The following MCUB variants were observed in gnomAD, a reference collection of about 807,000 sequenced individuals.
The protein encoded by MCUB is calcium uniporter regulatory subunit MCUb, mitochondrial.
Under a neutral mutation model 41.4 loss-of-function variants are expected in MCUB, and 46 were observed. The ratio of observed to expected loss-of-function variants is 1.11; its 90% confidence interval spans 0.88 to 1.42. The LOEUF (loss-of-function observed/expected upper bound fraction) is 1.42, where lower values mean the gene tolerates loss of function less well. Ranked by LOEUF, MCUB falls within the 40% of genes most tolerant of loss-of-function variation. MCUB has a pLI of 0.00. For synonymous variants in MCUB, 148 were observed against 148.2 expected, an observed-to-expected ratio of 1.00 and a Z score of 0.01; for missense variants, 403 against 404.9, an observed-to-expected ratio of 1.00 and a Z score of 0.04.
intron 1 of MCUB, among the ~76,000 whole-genome samples, chr4:109,567,988 C>A (rs144958942): frequency 1.3e-5 from 2 of 152,076 alleles, no homozygotes. Context: ...TGTGGGCCAC[C>A]GCTCCTGGCC....
At chr4:109,584,791 A>G (rs980896781) in intron 1 of MCUB, among the ~76,000 whole-genome samples, 2 of 152,056 alleles carry the variant, frequency 1.3e-5, no homozygotes, top group Non-Finnish European at 2.9e-5. Context: ...CCTGAGTTCT[A>G]ATTTGATTGC....
intron 1 of MCUB, among the ~76,000 whole-genome samples, chr4:109,591,335 G>A (rs773915622): frequency 1.9e-4 from 29 of 152,114 alleles, no homozygotes; most frequent in African/African-American, 6.5e-4. Context: ...ACAGGTGTGC[G>A]CTACCACGCC....
At chr4:109,676,104 G>A (rs1445666289) in intron 4 of MCUB, among the ~76,000 whole-genome samples, 1 of 152,200 alleles carries the variant, frequency 6.6e-6, no homozygotes, top group African/African-American at 2.4e-5. Flanking sequence ...GAGTTTGGAA[G>A]AGCAGACTAG....
chr4:109,597,340 G>T (rs1727583907), intron 1 of MCUB, among the ~76,000 whole-genome samples: 1 of 149,144 alleles, frequency 6.7e-6, no homozygotes. Flanking sequence ...CTCCCAGACG[G>T]GGCGGCTGGC....
intron 1 of MCUB, among the ~76,000 whole-genome samples, chr4:109,589,769 C>T (rs924175048): frequency 2.0e-5 from 3 of 152,184 alleles, no homozygotes; most frequent in Non-Finnish European, 4.4e-5. Flanking sequence ...ACTGTTGTAT[C>T]CTCAGGGGGT....
intron 1 of MCUB, among the ~76,000 whole-genome samples, chr4:109,565,447 C>T (rs896651435): frequency 1.3e-5 from 2 of 152,122 alleles, no homozygotes; most frequent in African/African-American, 4.8e-5. Flanking sequence ...GTTTCATCAA[C>T]CTCTTTTTTC....
At chr4:109,657,234 AAAAAAT>A (rs1302070356) in intron 1 of MCUB, among the ~76,000 whole-genome samples, 11 of 151,930 alleles carry the variant, frequency 7.2e-5, no homozygotes, top group Admixed American at 5.9e-4. Context: ...AAAAAAAAAA[AAAAAAT>A]AGAAAGCTCA....
chr4:109,572,691 G>A (rs765721965), intron 1 of MCUB, among the ~76,000 whole-genome samples: 3 of 126,242 alleles, frequency 2.4e-5, no homozygotes, highest in South Asian at 2.3e-4. Context: ...ACTTAATTAC[G>A]TCACTTATAT....
rs1220838882 is a variant in MCUB at position 109,598,534 on chromosome 4, G to A, written c.99+38098G>A. 3.3e-5 allele frequency among the ~76,000 whole-genome samples: 5 copies of A among 152,086 alleles called. No individual in the cohort carries two copies. In the South Asian group the frequency reaches 6.2e-4, roughly 19 times the overall value. On this transcript the variant is annotated intron_variant, in intron 1 of 7. Coordinates refer to ENST00000394650, the MANE Select transcript of MCUB (RefSeq NM_017918.5). ...TCAGGCAGGGAGGTTGCAGTGAGCC[G>A]AGATGGCAGCAGTACAGTCCAGCTT...
chr4:109,625,530 C>T (rs1243993684), intron 1 of MCUB, among the ~76,000 whole-genome samples: 1 of 152,174 alleles, frequency 6.6e-6, no homozygotes, highest in East Asian at 1.9e-4. Context: ...GCATGCTGAG[C>T]ACATTTGAGT....
intron 1 of MCUB, among the ~76,000 whole-genome samples, chr4:109,582,087 T>C (rs1461300986): frequency 6.6e-6 from 1 of 152,144 alleles, no homozygotes; most frequent in African/African-American, 2.4e-5. Context: ...CACATGTTTA[T>C]TGAGGCACTA....
intron 1 of MCUB, chr4:109,648,682 T>C: frequency 2.6e-6 from 1 of 383,146 alleles, no homozygotes; most frequent in Non-Finnish European, 4.9e-6. Flanking sequence ...AGAGCTCCTA[T>C]ATAGCAGTTT....
chr4:109,598,363 C>T (rs965637680), intron 1 of MCUB, among the ~76,000 whole-genome samples: 1 of 152,196 alleles, frequency 6.6e-6, no homozygotes, highest in African/African-American at 2.4e-5. Context: ...GAGGCCGAGG[C>T]TGGCGGATCA....
At chr4:109,582,283 A>C (rs979284173) in intron 1 of MCUB, among the ~76,000 whole-genome samples, 2 of 150,146 alleles carry the variant, frequency 1.3e-5, no homozygotes, top group Non-Finnish European at 3.0e-5. Context: ...AAGGACAAAA[A>C]ACCAAACACC....
chr4:109,628,275 C>T (rs7672487), intron 1 of MCUB, among the ~76,000 whole-genome samples: 6 of 152,136 alleles, frequency 3.9e-5, no homozygotes, highest in Admixed American at 6.5e-5. Flanking sequence ...ATTAGAAGGC[C>T]AGTGCGCCTG....
intron 1 of MCUB, among the ~76,000 whole-genome samples, chr4:109,649,374 A>C (rs1353933886): frequency 6.6e-6 from 1 of 151,712 alleles, no homozygotes; most frequent in Non-Finnish European, 1.5e-5. Flanking sequence ...CTCTTCATTT[A>C]GTTTTACATC....
At chr4:109,591,533 A>G (rs1025351761) in intron 1 of MCUB, among the ~76,000 whole-genome samples, 4 of 151,780 alleles carry the variant, frequency 2.6e-5, no homozygotes, top group Non-Finnish European at 4.4e-5. Context: ...CAGTCACTCA[A>G]TTTGGTAGAA....
intron 1 of MCUB, among the ~76,000 whole-genome samples, chr4:109,603,271 T>C (rs990075318): frequency 6.6e-5 from 10 of 152,132 alleles, no homozygotes; most frequent in African/African-American, 2.2e-4. Flanking sequence ...GGTTTTTGTA[T>C]TTTTTGGTGG....
At position 109,685,262 on chromosome 4, in the gene MCUB, C is replaced by T. The variant is rs1435490032; in HGVS notation, c.828C>T (p.Tyr276=). The T allele has an allele frequency of 1.4e-6, 2 of 1,383,828 alleles. No individual in the cohort carries two copies. The highest frequency in any genetic ancestry group is 2.1e-6 in the Non-Finnish European group (2 of 973,624). The allele number at this position is 1,383,828 out of a possible 1,614,324, so 85.7% of individuals were successfully genotyped here. A position where few individuals can be genotyped will look rare whatever the true frequency, so the allele number is the denominator to read the frequency against. Residue 276 remains tyrosine (Y), a synonymous_variant, in exon 7 of 8, where the codon TAC becomes TAT. Transcript: ENST00000394650. ...YFIVTRQDYT[Y]SAVKSRQFLQ... is the part of the protein sequence containing the mutation. Reference sequence around the variant, plus strand: ...TCTTTTTTTTTAAGGATTATACTTACTCAGCTGTTAAGAGTAGGCAATTTC... The same window carrying T: ...TCTTTTTTTTTAAGGATTATACTTATTCAGCTGTTAAGAGTAGGCAATTTC...
Sources: allele counts gnomAD v4.1 joint callset (sites outside exome capture counted in the v4.1 genomes callset), GRCh38; gene constraint gnomAD v4.1.1; transcripts MANE v1.5; gene names NCBI Gene and HGNC (gene_info 2026-07-23, HGNC 2026-07-21).